AFF3: variants seen among roughly 807,000 people sequenced by gnomAD.
The protein encoded by AFF3 is ALF transcription elongation factor 3.
A neutral mutation model predicts 129.7 loss-of-function variants in AFF3; 32 were observed. The observed-to-expected ratio is 0.25, with a 90% CI of 0.19 to 0.33. AFF3 has a LOEUF of 0.33. Among genes scored for constraint, AFF3 ranks in the 10% least tolerant of loss-of-function variants. The pLI, the probability that AFF3 is intolerant of heterozygous loss-of-function variation, is 1.00. For synonymous variants in AFF3, 644 were observed against 635.4 expected (o/e 1.01, Z -0.20); for missense variants, 1,373 against 1,592.0 (o/e 0.86, Z 2.34).
chr2:100,070,522 T>C (rs1224288871), intron 4 of AFF3, among the ~76,000 whole-genome samples: 1 of 152,224 alleles, frequency 6.6e-6, no homozygotes, highest in African/African-American at 2.4e-5. Context: ...TATTATACGA[T>C]GTTCATAGTT....
intron 7 of AFF3, among the ~76,000 whole-genome samples, chr2:99,950,224 G>GT (rs755512780): frequency 6.6e-6 from 1 of 152,220 alleles, no homozygotes; most frequent in Non-Finnish European, 1.5e-5. Flanking sequence ...AGCATTAAAT[G>GT]TAACATAATA....
rs537018755 is a variant in AFF3, at chr2:99,733,857, G to A, written c.1040-6729C>T. On this transcript the variant is annotated intron_variant, in intron 10 of 24. Coordinates refer to ENST00000672756, the MANE Select transcript of AFF3 (RefSeq NM_001386135.1). ...CTTTAATATATATTTAAAAATATTC[G>A]TAAGGCAAAGCTCCAACCTTGCTAT... Among the ~76,000 whole-genome samples the A allele has an allele frequency of 2.0e-3, 307 of 152,118 alleles. 1 individual carries two copies. Among genetic ancestry groups the A allele is most frequent in the African/African-American group, 7.0e-3 (290 of 41,496 alleles).
At chr2:99,567,659 G>A (rs1676101138) in intron 19 of AFF3, among the ~76,000 whole-genome samples, 1 of 152,170 alleles carries the variant, frequency 6.6e-6, no homozygotes, top group Non-Finnish European at 1.5e-5. Flanking sequence ...GAGTGTGTGA[G>A]AGTGAATCTC....
intron 13 of AFF3, among the ~76,000 whole-genome samples, chr2:99,639,668 T>A (rs961115883): frequency 6.6e-5 from 10 of 150,456 alleles, no homozygotes; most frequent in Non-Finnish European, 8.8e-5. Context: ...GTGACTTTTT[T>A]ATGTATTTAT....
At chr2:100,041,661 C>T (rs1685442228) in intron 4 of AFF3, among the ~76,000 whole-genome samples, 1 of 152,190 alleles carries the variant, frequency 6.6e-6, no homozygotes, top group Non-Finnish European at 1.5e-5. Context: ...CTAAAACTGG[C>T]ATGCCCTACT....
At chr2:99,892,321 A>C (rs1693633293) in intron 7 of AFF3, among the ~76,000 whole-genome samples, 1 of 152,252 alleles carries the variant, frequency 6.6e-6, no homozygotes, top group African/African-American at 2.4e-5. Flanking sequence ...TGAAAATAAT[A>C]TGTAGCTTAG....
At chr2:99,554,251 G>A in intron 24 of AFF3, 60 bp downstream of exon 24, 1 of 1,576,310 alleles carries the variant, frequency 6.3e-7, no homozygotes, top group East Asian at 2.2e-5. Context: ...GGCCGAGGCA[G>A]AAGAATCGCT....
chr2:99,674,938 A>G (rs1687477443), intron 11 of AFF3, among the ~76,000 whole-genome samples: 1 of 152,204 alleles, frequency 6.6e-6, no homozygotes, highest in South Asian at 2.1e-4. Flanking sequence ...TATTTCAAAC[A>G]TGTGCTAAAC....
chr2:99,613,949 A>G (rs1681175160), intron 13 of AFF3, among the ~76,000 whole-genome samples: 1 of 152,264 alleles, frequency 6.6e-6, no homozygotes, highest in South Asian at 2.1e-4. Context: ...TGGGATAAAC[A>G]TTACACTTAG....
chr2:99,715,027 G>T (rs1575772262), intron 11 of AFF3, among the ~76,000 whole-genome samples: 1 of 152,200 alleles, frequency 6.6e-6, no homozygotes, highest in African/African-American at 2.4e-5. Context: ...TTTTGAAATA[G>T]AAGTCAGTGG....
chr2:99,789,867 G>A (rs1000463101), intron 8 of AFF3, among the ~76,000 whole-genome samples: 1 of 152,194 alleles, frequency 6.6e-6, no homozygotes, highest in African/African-American at 2.4e-5. Context: ...GCTACAAAAT[G>A]ATCTTCTTTG....
intron 2 of AFF3, among the ~76,000 whole-genome samples, chr2:100,115,591 A>G (rs552507333): frequency 2.6e-5 from 4 of 152,208 alleles, no homozygotes; most frequent in East Asian, 1.9e-4. Context: ...GTATCCTGCT[A>G]TTGTTGGTAT....
chr2:99,951,991 G>A (rs950880982), intron 7 of AFF3, among the ~76,000 whole-genome samples: 2 of 152,204 alleles, frequency 1.3e-5, no homozygotes, highest in East Asian at 3.8e-4. Flanking sequence ...AAAAAGAAGC[G>A]CTAAGCTGCC....
At chr2:99,985,392 T>A (rs1267763605) in intron 7 of AFF3, among the ~76,000 whole-genome samples, 1 of 152,194 alleles carries the variant, frequency 6.6e-6, no homozygotes, top group African/African-American at 2.4e-5. Context: ...ACTCATAAAA[T>A]TTGCTAAATT....
intron 13 of AFF3, among the ~76,000 whole-genome samples, chr2:99,648,917 A>ACACACC: frequency 4.3e-5 from 2 of 46,874 alleles, no homozygotes; most frequent in Non-Finnish European, 9.2e-5. Context: ...ACACACACAC[A>ACACACC]CTCTCTCTCT....
intron 1 of AFF3, among the ~76,000 whole-genome samples, chr2:100,138,713 G>A (rs376741266): frequency 1.4e-4 from 21 of 152,146 alleles, no homozygotes; most frequent in African/African-American, 4.6e-4. Flanking sequence ...GGAGGCCAAC[G>A]GGGGGCGCAT....
chr2:99,962,694 C>A, intron 7 of AFF3, among the ~76,000 whole-genome samples: 1 of 151,694 alleles, frequency 6.6e-6, no homozygotes, highest in African/African-American at 2.4e-5. Context: ...GACATATCAA[C>A]AGAATTTACT....
chr2:100,032,443 T>A (rs1046879464), intron 4 of AFF3, among the ~76,000 whole-genome samples: 5 of 147,670 alleles, frequency 3.4e-5, no homozygotes, highest in African/African-American at 1.3e-4. Flanking sequence ...AAAAAAAAAG[T>A]ATGCCCAAGA....
At chr2:100,054,339 A>G (rs937483102) in intron 4 of AFF3, among the ~76,000 whole-genome samples, 4 of 152,224 alleles carry the variant, frequency 2.6e-5, no homozygotes, top group Non-Finnish European at 5.9e-5. Flanking sequence ...GTTTCTGGAT[A>G]GAAGTAACAT....
Sources: allele counts gnomAD v4.1 joint callset (sites outside exome capture counted in the v4.1 genomes callset), GRCh38; gene constraint gnomAD v4.1.1; transcripts MANE v1.5; gene names NCBI Gene and HGNC (gene_info 2026-07-23, HGNC 2026-07-21).